The following SNAP25 variants were observed in gnomAD, a reference collection of about 807,000 sequenced individuals.
SNAP25 encodes the protein synaptosomal-associated protein 25.
Under a neutral mutation model 28.7 loss-of-function variants are expected in SNAP25, and 3 were observed. That is an observed-to-expected ratio of 0.10 (90% CI 0.05 to 0.27). The LOEUF (loss-of-function observed/expected upper bound fraction) is 0.27, where lower values mean the gene tolerates loss of function less well. Among genes scored for constraint, SNAP25 ranks in the 10% least tolerant of loss-of-function variants. SNAP25 has a pLI of 1.00. For synonymous variants in SNAP25, 61 were observed against 88.1 expected (o/e 0.69, Z 1.72); for missense variants, 117 against 278.7 (o/e 0.42, Z 4.13).
intron 5 of SNAP25, chr20:10,296,117 C>T (rs534722584): frequency 2.6e-5 from 4 of 152,370 alleles, no homozygotes; most frequent in African/African-American, 9.6e-5. Context: ...GAATGCTTCA[C>T]TTTCTACTCA....
chr20:10,249,022 A>C (rs1490223821), intron 1 of SNAP25, among the ~76,000 whole-genome samples: 1 of 152,218 alleles, frequency 6.6e-6, no homozygotes, highest in Non-Finnish European at 1.5e-5. Context: ...TTCGATAAAT[A>C]GGCCATGGAC....
chr20:10,282,794 CT>C (rs1487699010), intron 3 of SNAP25, among the ~76,000 whole-genome samples: 2 of 152,106 alleles, frequency 1.3e-5, no homozygotes, highest in African/African-American at 4.8e-5. Flanking sequence ...AGCCATCTGC[CT>C]TTTATAATTT....
intron 1 of SNAP25, chr20:10,231,558 C>T (rs757399147): frequency 6.6e-5 from 10 of 152,210 alleles, no homozygotes; most frequent in Non-Finnish European, 1.0e-4. Context: ...GATCCCCAAT[C>T]AGGAATTCTC....
At chr20:10,254,807 G>C (rs2063292171) in intron 1 of SNAP25, among the ~76,000 whole-genome samples, 1 of 152,190 alleles carries the variant, frequency 6.6e-6, no homozygotes, top group Non-Finnish European at 1.5e-5. Context: ...CTCGGGTCTG[G>C]AAAATTATTT....
At chr20:10,296,773 G>T in intron 5 of SNAP25, 152 bp from the exon 6 acceptor site, 1 of 1,132,504 alleles carries the variant, frequency 8.8e-7, no homozygotes. Flanking sequence ...GTGGCCAACT[G>T]TTTGGGTCTG....
chr20:10,298,713 G>A (rs2064166107), intron 6 of SNAP25, among the ~76,000 whole-genome samples: 2 of 152,132 alleles, frequency 1.3e-5, no homozygotes, highest in Admixed American at 1.3e-4. Context: ...AGCAAGCAGG[G>A]TTAAGGGGCA....
chr20:10,231,962 G>A (rs888910970), intron 1 of SNAP25, among the ~76,000 whole-genome samples: 8 of 152,182 alleles, frequency 5.3e-5, no homozygotes, highest in African/African-American at 1.9e-4. Flanking sequence ...AGCTATAAGT[G>A]GTTTTGGCAA....
chr20:10,223,488 C>T (rs967461696), intron 1 of SNAP25, among the ~76,000 whole-genome samples: 1 of 152,128 alleles, frequency 6.6e-6, no homozygotes, highest in Non-Finnish European at 1.5e-5. Flanking sequence ...CACAGGATAA[C>T]ATTTTTATAT....
chr20:10,296,922 T>C lies in SNAP25; in HGVS notation c.282-3T>C, dbSNP rs112901784. ...CTTGTCACTCACCCTCTCTTTTGCA[T>C]AGGCTTAAATCAAGTGATGCTTACA... On this transcript the variant is annotated splice_polypyrimidine_tract_variant and splice_region_variant and intron_variant, in intron 5 of 7. Coordinates refer to ENST00000254976, the MANE Select transcript of SNAP25 (RefSeq NM_130811.4). The C allele has an allele frequency of 8.7e-6, 14 of 1,614,102 alleles. No homozygotes were observed. The highest frequency in any genetic ancestry group is 1.2e-5 in the Non-Finnish European group (14 of 1,179,992).
At chr20:10,271,805 C>T (rs1163030890) in intron 1 of SNAP25, among the ~76,000 whole-genome samples, 1 of 152,154 alleles carries the variant, frequency 6.6e-6, no homozygotes, top group Non-Finnish European at 1.5e-5. Context: ...AGGAGTGGGA[C>T]AGAGCAATAG....
At chr20:10,278,261 A>C (rs1207474985) in intron 3 of SNAP25, among the ~76,000 whole-genome samples, 1 of 152,238 alleles carries the variant, frequency 6.6e-6, no homozygotes. Context: ...GGGAAATATC[A>C]AGTCCAATAA....
At chr20:10,233,119 T>C (rs1466184539) in intron 1 of SNAP25, among the ~76,000 whole-genome samples, 2 of 152,184 alleles carry the variant, frequency 1.3e-5, no homozygotes, top group African/African-American at 4.8e-5. Flanking sequence ...AAGGGATAAC[T>C]GGTCCTCTGG....
At chr20:10,228,607 C>A (rs2062773208) in intron 1 of SNAP25, among the ~76,000 whole-genome samples, 1 of 152,156 alleles carries the variant, frequency 6.6e-6, no homozygotes, top group South Asian at 2.1e-4. Context: ...TAACCCTGAA[C>A]AATTTACCTA....
At chr20:10,257,621 G>T (rs937305544) in intron 1 of SNAP25, among the ~76,000 whole-genome samples, 1 of 152,160 alleles carries the variant, frequency 6.6e-6, no homozygotes, top group Non-Finnish European at 1.5e-5. Flanking sequence ...TGAGGCAGGA[G>T]AATCGCTTGA....
intron 6 of SNAP25, 95 bp from the exon 7 acceptor site, chr20:10,299,172 GC>G: frequency 1.5e-6 from 2 of 1,359,028 alleles, no homozygotes; most frequent in South Asian, 1.4e-5. Flanking sequence ...TAAAGTTGAT[GC>G]CCAGAGGACG....
At chr20:10,235,479 G>A (rs575434422) in intron 1 of SNAP25, among the ~76,000 whole-genome samples, 26 of 152,300 alleles carry the variant, frequency 1.7e-4, no homozygotes, top group East Asian at 5.8e-4. Context: ...ATATGAAGAC[G>A]TCAGTGTCGA....
intron 1 of SNAP25, among the ~76,000 whole-genome samples, chr20:10,264,916 TGC>T (rs2063481198): frequency 6.7e-6 from 1 of 150,190 alleles, no homozygotes; most frequent in African/African-American, 2.5e-5. Flanking sequence ...TCTCAGACCA[TGC>T]TTTTTTTTTT....
At chr20:10,230,025 T>C (rs1199566471) in intron 1 of SNAP25, among the ~76,000 whole-genome samples, 1 of 152,130 alleles carries the variant, frequency 6.6e-6, no homozygotes, top group Admixed American at 6.5e-5. Flanking sequence ...TGCAGAAATG[T>C]GTGTAGTCAG....
At chr20:10,257,539 C>A (rs1481459957) in intron 1 of SNAP25, among the ~76,000 whole-genome samples, 1 of 152,152 alleles carries the variant, frequency 6.6e-6, no homozygotes, top group African/African-American at 2.4e-5. Flanking sequence ...ATGGAGAAAC[C>A]CCGTCTCTAC....
Sources: gnomAD v4.1 joint callset for allele counts (sites outside exome capture counted in the v4.1 genomes callset) on GRCh38, gnomAD v4.1.1 for gene constraint, MANE v1.5 for transcripts, NCBI Gene and HGNC (gene_info 2026-07-23, HGNC 2026-07-21) for gene names.